CFAP300: variants seen among roughly 807,000 people sequenced by gnomAD.
CFAP300 encodes the protein cilia- and flagella-associated protein 300.
Under a neutral mutation model 33.0 loss-of-function variants are expected in CFAP300, and 32 were observed. That is an observed-to-expected ratio of 0.97 (90% CI 0.73 to 1.30). CFAP300 has a LOEUF of 1.30. Ranked by LOEUF, CFAP300 falls within the 50% of genes most tolerant of loss-of-function variation. The pLI, the probability that CFAP300 is intolerant of heterozygous loss-of-function variation, is 0.00. For synonymous variants in CFAP300, 102 were observed against 106.8 expected, an observed-to-expected ratio of 0.95 and a Z score of 0.28; for missense variants, 356 against 318.1, an observed-to-expected ratio of 1.12 and a Z score of -0.90.
intron 2 of CFAP300, among the ~76,000 whole-genome samples, chr11:102,056,480 AAATC>A (rs1212489499): frequency 5.9e-5 from 9 of 152,270 alleles, no homozygotes; most frequent in African/African-American, 2.2e-4. Context: ...CAGTCTTTTT[AAATC>A]TTGGCAATGT....
rs766025387 is a variant in CFAP300 at position 102,075,855 on chromosome 11, T to C, written c.436-18T>C. ...AATCTTGAGTTATGTTACATTAAGATGAATTTTATCGTCTTAGGTTTTGCT... is the reference window on the plus strand; with the variant it reads ...AATCTTGAGTTATGTTACATTAAGACGAATTTTATCGTCTTAGGTTTTGCT... On this transcript the variant is annotated intron_variant, in intron 4 of 6. Coordinates refer to ENST00000434758, the MANE Select transcript of CFAP300 (RefSeq NM_032930.3). 1 of 1,551,304 alleles carries C rather than the reference T, an allele frequency of 6.4e-7. No homozygotes were observed. Among genetic ancestry groups the C allele is most frequent in the Non-Finnish European group, 8.8e-7 (1 of 1,137,858 alleles).
chr11:102,060,437 A>G (rs1942133143), intron 3 of CFAP300, among the ~76,000 whole-genome samples: 1 of 152,070 alleles, frequency 6.6e-6, no homozygotes, highest in Non-Finnish European at 1.5e-5. Flanking sequence ...TTCATAATGT[A>G]TTATTTCATA....
At chr11:102,064,064 A>G (rs537075063) in intron 3 of CFAP300, among the ~76,000 whole-genome samples, 33 of 152,274 alleles carry the variant, frequency 2.2e-4, no homozygotes, top group African/African-American at 7.9e-4. Context: ...GCTTCAATAT[A>G]TGAATATTTG....
intron 6 of CFAP300, chr11:102,081,499 A>G (rs1295270711): frequency 3.5e-6 from 2 of 569,024 alleles, no homozygotes; most frequent in African/African-American, 3.8e-5. Context: ...TGTATCTAAT[A>G]ACATTGCCTA....
At chr11:102,048,574 C>A (rs1363985019) in intron 2 of CFAP300, among the ~76,000 whole-genome samples, 2 of 152,136 alleles carry the variant, frequency 1.3e-5, no homozygotes, top group Admixed American at 1.3e-4. Context: ...TATTTACTAG[C>A]TCCAAATTAC....
intron 3 of CFAP300, among the ~76,000 whole-genome samples, chr11:102,065,682 G>A (rs1010294397): frequency 1.8e-4 from 28 of 151,662 alleles, no homozygotes; most frequent in Admixed American, 1.8e-3. Context: ...CAGGAGAATC[G>A]CTTGAACCAG....
intron 4 of CFAP300, among the ~76,000 whole-genome samples, chr11:102,071,846 C>T (rs1388204338): frequency 2.0e-5 from 3 of 152,046 alleles, no homozygotes; most frequent in Admixed American, 6.6e-5. Context: ...TGAGGGTTTC[C>T]TTATATGTGG....
At position 102,076,200 on chromosome 11, in the gene CFAP300, C is replaced by G. The variant is rs868371088; in HGVS notation, c.608+155C>G. 4 of 664,268 alleles carry G rather than the reference C, an allele frequency of 6.0e-6. No individual in the cohort carries two copies. In the South Asian group the frequency reaches 1.5e-4, roughly 25 times the overall value. 41.1% of individuals were successfully genotyped at this position (664,268 alleles called of 1,614,324 possible). On this transcript the variant is annotated intron_variant, in intron 5 of 6. Transcript: ENST00000434758. ...TTACCCCCCTCTCATAACCTTCCCCCTCTCTTCCAGAATAGAAAGATTTCT... is the reference window on the plus strand; with the variant it reads ...TTACCCCCCTCTCATAACCTTCCCCGTCTCTTCCAGAATAGAAAGATTTCT...
chr11:102,081,244 T>C lies in CFAP300; in HGVS notation c.638T>C (p.Ile213Thr). 2 of 1,610,950 alleles carry C rather than the reference T, an allele frequency of 1.2e-6. No homozygotes were observed. The highest frequency in any genetic ancestry group is 1.7e-6 in the Non-Finnish European group (2 of 1,179,512). The change falls in exon 6 of 7, where the codon ATA becomes ACA. Residue 213 changes from isoleucine to threonine, a missense_variant. Ile to Thr is a moderately conservative substitution (Grantham distance 89, BLOSUM62 -1). Transcript: ENST00000434758. ...SVRKNPQTKK[I>T]QITSSVFKVS... ...CGAAAGAATCCTCAAACCAAGAAAATACAGATTACCTCTTCTGTCTTTAAA... is the reference window on the plus strand; with the variant it reads ...CGAAAGAATCCTCAAACCAAGAAAACACAGATTACCTCTTCTGTCTTTAAA...
At chr11:102,072,069 AT>A (rs1227652491) in intron 4 of CFAP300, among the ~76,000 whole-genome samples, 3 of 151,894 alleles carry the variant, frequency 2.0e-5, no homozygotes, top group Admixed American at 1.3e-4. Flanking sequence ...TGTTAAATAG[AT>A]TTTTTTTATG....
chr11:102,079,537 G>A (rs938921252), intron 5 of CFAP300, among the ~76,000 whole-genome samples: 7 of 152,114 alleles, frequency 4.6e-5, no homozygotes, highest in Non-Finnish European at 8.8e-5. Context: ...GCTATGGCTG[G>A]TCATCCCCAA....
At chr11:102,051,324 G>T (rs1173555876) in intron 2 of CFAP300, among the ~76,000 whole-genome samples, 1 of 152,154 alleles carries the variant, frequency 6.6e-6, no homozygotes, top group Non-Finnish European at 1.5e-5. Context: ...GGGATGATGA[G>T]GAGAATTTTC....
At chr11:102,076,946 T>C (rs1196708991) in intron 5 of CFAP300, among the ~76,000 whole-genome samples, 4 of 152,190 alleles carry the variant, frequency 2.6e-5, no homozygotes, top group Non-Finnish European at 4.4e-5. Flanking sequence ...AGAAGATATG[T>C]TAGAAACAGA....
intron 2 of CFAP300, among the ~76,000 whole-genome samples, chr11:102,049,767 T>C (rs1941940469): frequency 6.6e-6 from 1 of 152,056 alleles, no homozygotes; most frequent in Non-Finnish European, 1.5e-5. Flanking sequence ...ATATTTACTG[T>C]GTCCCTCTAG....
Position 102,083,208 on chromosome 11 carries a change from C to A in CFAP300, c.*9C>A. The A allele has an allele frequency of 6.8e-7, 1 of 1,467,710 alleles. No homozygotes were observed. Among genetic ancestry groups the A allele is most frequent in the Non-Finnish European group, 9.1e-7 (1 of 1,097,488 alleles). 90.9% of individuals were successfully genotyped at this position (1,467,710 alleles called of 1,614,324 possible). Reference sequence around the variant, plus strand: ...TGGGAGACATGTCTTAATGTTCTTTCAGATTATGTACCTCTACTATTTTGT... The same window carrying A: ...TGGGAGACATGTCTTAATGTTCTTTAAGATTATGTACCTCTACTATTTTGT... On this transcript the variant is annotated 3_prime_UTR_variant, in exon 7 of 7. Transcript: ENST00000434758.
intron 3 of CFAP300, among the ~76,000 whole-genome samples, chr11:102,060,066 G>A (rs977175520): frequency 2.6e-5 from 4 of 152,064 alleles, no homozygotes; most frequent in African/African-American, 4.8e-5. Context: ...TCGTCTCCCA[G>A]GTTCAAACGA....
At chr11:102,070,666 T>C (rs917835205) in intron 4 of CFAP300, among the ~76,000 whole-genome samples, 1 of 152,202 alleles carries the variant, frequency 6.6e-6, no homozygotes, top group African/African-American at 2.4e-5. Context: ...AGTACTTTTT[T>C]GATGTAGGCA....
chr11:102,056,024 A>G (rs1489706877), intron 2 of CFAP300, among the ~76,000 whole-genome samples: 1 of 152,188 alleles, frequency 6.6e-6, no homozygotes, highest in Non-Finnish European at 1.5e-5. Flanking sequence ...AAATCAATAC[A>G]TAGTCTGTTC....
intron 3 of CFAP300, among the ~76,000 whole-genome samples, chr11:102,059,545 G>A (rs1227062171): frequency 6.6e-6 from 1 of 152,050 alleles, no homozygotes; most frequent in Non-Finnish European, 1.5e-5. Flanking sequence ...GCTACTTGGT[G>A]GCTGAGGAAG....
Sources: gnomAD v4.1 joint callset for allele counts (sites outside exome capture counted in the v4.1 genomes callset) on GRCh38, gnomAD v4.1.1 for gene constraint, MANE v1.5 for transcripts, NCBI Gene and HGNC (gene_info 2026-07-23, HGNC 2026-07-21) for gene names.